The following ANXA4 variants were observed in gnomAD, a reference collection of about 807,000 sequenced individuals.
The protein encoded by ANXA4 is annexin A4.
A neutral mutation model predicts 49.8 loss-of-function variants in ANXA4; 39 were observed. The ratio of observed to expected loss-of-function variants is 0.78; its 90% confidence interval spans 0.61 to 1.02. The LOEUF is 1.02. ANXA4 is among the 50% of genes least tolerant of loss of function. The pLI, the probability that ANXA4 is intolerant of heterozygous loss-of-function variation, is 0.00. For synonymous variants in ANXA4, 134 were observed against 152.5 expected, an observed-to-expected ratio of 0.88 and a Z score of 0.89; for missense variants, 360 against 410.1, an observed-to-expected ratio of 0.88 and a Z score of 1.05.
At chr2:69,795,056 G>C (rs1672885070) in intron 3 of ANXA4, among the ~76,000 whole-genome samples, 1 of 152,130 alleles carries the variant, frequency 6.6e-6, no homozygotes, top group African/African-American at 2.4e-5. Context: ...CTGAGCTTTG[G>C]ATTTTGAGAC....
chr2:69,680,750 A>T (rs557430237), intron 2 of ANXA4, among the ~76,000 whole-genome samples: 1 of 152,148 alleles, frequency 6.6e-6, no homozygotes, highest in Non-Finnish European at 1.5e-5. Flanking sequence ...TTCTGGGTCA[A>T]TTGAGATGAT....
intron 1 of ANXA4, among the ~76,000 whole-genome samples, chr2:69,777,603 C>G (rs949619433): frequency 6.6e-6 from 1 of 152,208 alleles, no homozygotes; most frequent in Non-Finnish European, 1.5e-5. Flanking sequence ...TATTATATGG[C>G]CTGACTGCAT....
chr2:69,715,125 T>G (rs1678835740), intron 2 of ANXA4, among the ~76,000 whole-genome samples: 1 of 152,270 alleles, frequency 6.6e-6, no homozygotes, highest in Admixed American at 6.5e-5. Flanking sequence ...CATCATATAT[T>G]TGAGCCCTGC....
At chr2:69,685,352 G>GT (rs138133538) in intron 2 of ANXA4, among the ~76,000 whole-genome samples, 66 of 151,536 alleles carry the variant, frequency 4.4e-4, no homozygotes, top group African/African-American at 1.4e-3. Context: ...ATTTAATAAA[G>GT]TTTTTTTTTC....
chr2:69,685,343 T>C (rs564304825), intron 2 of ANXA4, among the ~76,000 whole-genome samples: 1 of 147,856 alleles, frequency 6.8e-6, no homozygotes, highest in South Asian at 2.2e-4. Context: ...CAGTTAGACA[T>C]TTAATAAAGT....
At chr2:69,772,569 T>TC (rs944923215) in intron 1 of ANXA4, among the ~76,000 whole-genome samples, 1 of 151,806 alleles carries the variant, frequency 6.6e-6, no homozygotes, top group Non-Finnish European at 1.5e-5. Flanking sequence ...CTCTTTCTGC[T>TC]CCCCCCATCC....
At chr2:69,794,465 G>C (rs1672832141) in intron 3 of ANXA4, among the ~76,000 whole-genome samples, 2 of 151,862 alleles carry the variant, frequency 1.3e-5, no homozygotes, top group African/African-American at 2.4e-5. Flanking sequence ...GAGACTGAAT[G>C]CTTTCCCCAT....
upstream of ANXA4, among the ~76,000 whole-genome samples, chr2:69,739,145 C>A (rs1670317944): frequency 6.6e-6 from 1 of 152,194 alleles, no homozygotes; most frequent in African/African-American, 2.4e-5. Context: ...TACAGACTTA[C>A]AAGAAATCGT....
chr2:69,687,179 T>C (rs1315761203), intron 2 of ANXA4, among the ~76,000 whole-genome samples: 2 of 152,148 alleles, frequency 1.3e-5, no homozygotes, highest in Non-Finnish European at 2.9e-5. Context: ...TAGAAAAGGA[T>C]ACAAGGAGAC....
chr2:69,791,261 A>G lies in ANXA4; in HGVS notation c.97+3120A>G, dbSNP rs114744766. Among the ~76,000 whole-genome samples the G allele has an allele frequency of 3.6e-3, 555 of 152,306 alleles. 4 individuals carry two copies. The highest frequency in any genetic ancestry group is 0.013 in the African/African-American group (530 of 41,556). ...AGACTGTGTAGACAGATATGAGGCC[A>G]GTTTTCCCCAGGGGCTTTTATTGGC... On this transcript the variant is annotated intron_variant, in intron 3 of 12. Coordinates refer to ENST00000394295, the MANE Select transcript of ANXA4 (RefSeq NM_001153.5).
At chr2:69,768,928 C>CA (rs1334629292) in intron 1 of ANXA4, among the ~76,000 whole-genome samples, 7 of 151,516 alleles carry the variant, frequency 4.6e-5, no homozygotes, top group South Asian at 2.1e-4. Context: ...AGTTAAAAAA[C>CA]AAAAAACAAA....
intron 9 of ANXA4, chr2:69,818,092 C>T (rs148562881): frequency 6.6e-6 from 1 of 151,744 alleles, no homozygotes; most frequent in African/African-American, 2.4e-5. Context: ...GGAACATATT[C>T]ACCACATTCA....
chr2:69,739,117 A>G (rs527535987), upstream of ANXA4, among the ~76,000 whole-genome samples: 264 of 152,280 alleles, frequency 1.7e-3, 1 homozygote, highest in African/African-American at 6.1e-3. Context: ...CAGTGTTGGG[A>G]ATGCTGACTG....
rs1673770842 is a variant in ANXA4 at position 69,812,875 on chromosome 2, AGGTACCTG to A, written c.534+169_534+176del. 2.0e-5 allele frequency among the ~76,000 whole-genome samples: 3 copies of A among 152,294 alleles called. No individual in the cohort carries two copies. The South Asian group carries it at 6.2e-4, about 32-fold the overall frequency. On this transcript the variant is annotated intron_variant, in intron 8 of 12. Coordinates refer to ENST00000394295, the MANE Select transcript of ANXA4 (RefSeq NM_001153.5). ...GCCTTTAATAACAGGTTTCTTGCAGAGGTACCTGGGGCTGGACATCATTATATAAGCAC... is the reference window on the plus strand; with the variant it reads ...GCCTTTAATAACAGGTTTCTTGCAGAGGGCTGGACATCATTATATAAGCAC...
At chr2:69,809,265 G>A (rs946364387) in intron 6 of ANXA4, 1 of 151,930 alleles carries the variant, frequency 6.6e-6, no homozygotes, top group Non-Finnish European at 1.5e-5. Flanking sequence ...TACCTTTATA[G>A]AAAGAAAACA....
intron 2 of ANXA4, among the ~76,000 whole-genome samples, chr2:69,693,861 A>G (rs1678063211): frequency 6.6e-6 from 1 of 152,120 alleles, no homozygotes; most frequent in Middle Eastern, 3.2e-3. Context: ...ACAGCTGAGC[A>G]TTAAACCAAG....
At chr2:69,753,384 C>T (rs78465775) in intron 1 of ANXA4, among the ~76,000 whole-genome samples, 3,038 of 152,272 alleles carry the variant, frequency 0.02, 106 homozygotes, top group African/African-American at 0.07. Flanking sequence ...GGGGCCCACC[C>T]AAGATTTCCA....
chr2:69,825,437 T>C lies in ANXA4; in HGVS notation c.907-19T>C, dbSNP rs902022648. On this transcript the variant is annotated intron_variant, in intron 12 of 12. Transcript: ENST00000394295. ...CATTTTAAAATCTATTTATCTAACTTTGCTTCCCTATCGAACAGGGTGACA... is the reference window on the plus strand; with the variant it reads ...CATTTTAAAATCTATTTATCTAACTCTGCTTCCCTATCGAACAGGGTGACA... The C allele has an allele frequency of 2.5e-6, 4 of 1,596,808 alleles. No individual in the cohort carries two copies. The highest frequency in any genetic ancestry group is 3.4e-6 in the Non-Finnish European group (4 of 1,170,494).
chr2:69,671,591 C>T (rs193047641), intron 2 of ANXA4, among the ~76,000 whole-genome samples: 14 of 152,172 alleles, frequency 9.2e-5, no homozygotes, highest in African/African-American at 1.9e-4. Context: ...GGTGTAGTGG[C>T]GCATGCCTGT....
Sources: allele counts gnomAD v4.1 joint callset (sites outside exome capture counted in the v4.1 genomes callset), GRCh38; gene constraint gnomAD v4.1.1; transcripts MANE v1.5; gene names NCBI Gene and HGNC (gene_info 2026-07-23, HGNC 2026-07-21).